HLCS: variants seen among roughly 807,000 people sequenced by gnomAD.
HLCS encodes holocarboxylase synthetase.
In HLCS, 53 loss-of-function variants were observed where a neutral mutation model predicts 75.0. That is an observed-to-expected ratio of 0.71 (90% CI 0.57 to 0.89). The LOEUF (loss-of-function observed/expected upper bound fraction) is 0.89. HLCS is among the 40% of genes least tolerant of loss of function. The pLI is 0.00. For missense variants in HLCS, 966 were observed against 1,074.0 expected, an observed-to-expected ratio of 0.90 and a Z score of 1.41; for synonymous variants, 431 against 428.6, an observed-to-expected ratio of 1.01 and a Z score of -0.07.
intron 2 of HLCS, chr21:36,947,804 G>A: frequency 1.0e-6 from 1 of 985,494 alleles, no homozygotes; most frequent in Non-Finnish European, 1.2e-6. Flanking sequence ...GGCATTGGCA[G>A]GCAGCAGCTC....
intron 6 of HLCS, among the ~76,000 whole-genome samples, chr21:36,809,503 T>G (rs943142281): frequency 3.3e-5 from 5 of 152,218 alleles, no homozygotes; most frequent in African/African-American, 1.2e-4. Context: ...CTGAAATTTT[T>G]TAGCTATTAT....
At chr21:36,822,198 A>G (rs1163092097) in intron 6 of HLCS, among the ~76,000 whole-genome samples, 1 of 152,186 alleles carries the variant, frequency 6.6e-6, no homozygotes, top group Non-Finnish European at 1.5e-5. Context: ...GAGGCAGGCG[A>G]ATCACGAGGT....
At chr21:36,987,043 C>A (rs999490216) in intron 1 of HLCS, among the ~76,000 whole-genome samples, 1 of 152,182 alleles carries the variant, frequency 6.6e-6, no homozygotes, top group African/African-American at 2.4e-5. Flanking sequence ...CCAGGTTTGG[C>A]CACTGGAGCC....
At chr21:36,908,812 A>C (rs962287897) in intron 5 of HLCS, among the ~76,000 whole-genome samples, 3 of 152,230 alleles carry the variant, frequency 2.0e-5, no homozygotes, top group Admixed American at 2.0e-4. Flanking sequence ...GACGTTTCAG[A>C]AAAGGCCAAT....
intron 6 of HLCS, among the ~76,000 whole-genome samples, chr21:36,788,787 C>G (rs191009797): frequency 6.6e-6 from 1 of 152,170 alleles, no homozygotes; most frequent in Admixed American, 6.5e-5. Flanking sequence ...CTCTCACGTC[C>G]TAGACACTGA....
chr21:36,965,749 T>TG (rs1277187647), intron 1 of HLCS, among the ~76,000 whole-genome samples: 12 of 147,852 alleles, frequency 8.1e-5, no homozygotes, highest in Admixed American at 1.3e-4. Context: ...TTTTTTTTCT[T>TG]AAGACAGGGT....
chr21:36,776,000 C>T (rs1438945621), intron 6 of HLCS, among the ~76,000 whole-genome samples: 2 of 152,180 alleles, frequency 1.3e-5, no homozygotes, highest in Non-Finnish European at 2.9e-5. Context: ...TCCTTCCTCA[C>T]AGACAAGAGG....
In HLCS at chr21:36,756,763, AAAAC is replaced by A. The variant is rs753350981; in HGVS notation, c.2237-12_2237-9del. On this transcript the variant is annotated splice_polypyrimidine_tract_variant and intron_variant, in intron 9 of 10. Coordinates refer to ENST00000674895, the MANE Select transcript of HLCS (RefSeq NM_001352514.2). ...TCACATTAAATCCACAGCCTGGACA[AAAAC>A]AAACAATTGAGCAGCTCAGCCTGTT... 1 of 1,614,098 alleles carries A rather than the reference AAAAC, an allele frequency of 6.2e-7. No homozygotes were observed. The highest frequency in any genetic ancestry group is 8.5e-7 in the Non-Finnish European group (1 of 1,180,008).
chr21:36,966,425 G>GCGC lies in HLCS; in HGVS notation c.195+18_195+19insGCG. On this transcript the variant is annotated intron_variant, in intron 1 of 10. Transcript: ENST00000674895. ...CCGGCTCGCGGGGCCCGGGTCGCCCGCCCGCCCGACCCGCCCACCTGGCTG... is the reference window on the plus strand; with the variant it reads ...CCGGCTCGCGGGGCCCGGGTCGCCCGCGCCCCGCCCGACCCGCCCACCTGGCTG... 10 of 195,438 alleles carry GCGC rather than the reference G, an allele frequency of 5.1e-5. No individual in the cohort carries two copies. Among genetic ancestry groups the GCGC allele is most frequent in the South Asian group, 2.0e-4 (1 of 5,108 alleles). 12.1% of individuals were successfully genotyped at this position (195,438 alleles called of 1,614,324 possible). A position where few individuals can be genotyped will look rare whatever the true frequency, so the allele number is the denominator to read the frequency against.
At chr21:36,847,417 C>A (rs2062834718) in intron 6 of HLCS, among the ~76,000 whole-genome samples, 1 of 152,180 alleles carries the variant, frequency 6.6e-6, no homozygotes, top group African/African-American at 2.4e-5. Context: ...ATGGTGCCAG[C>A]AGCATCAGTA....
At chr21:36,851,345 C>A (rs2062999553) in intron 6 of HLCS, among the ~76,000 whole-genome samples, 1 of 152,120 alleles carries the variant, frequency 6.6e-6, no homozygotes, top group Non-Finnish European at 1.5e-5. Flanking sequence ...CACTATCCAG[C>A]CACAAAAAAG....
rs2066944309 is a variant in HLCS at position 36,937,382 on chromosome 21, C to A, written c.504G>T (p.Leu168Phe). The A allele has an allele frequency of 1.9e-6, 3 of 1,613,458 alleles. No individual in the cohort carries two copies. The highest frequency in any genetic ancestry group is 2.5e-6 in the Non-Finnish European group (3 of 1,179,860). ...TAACTTCCTTCAGAGTGGAGTCCTG[C>A]AAGTGCACCGCTAAGGCATGAATAG... ...LVPQKIVSVH[L>F]QDSTLKEVKD... Residue 168 changes from leucine to phenylalanine, a missense_variant, in exon 4 of 11, where the codon TTG becomes TTT. Coordinates refer to ENST00000674895, the MANE Select transcript of HLCS (RefSeq NM_001352514.2).
chr21:36,781,682 TC>T (rs745459238), intron 6 of HLCS, among the ~76,000 whole-genome samples: 2 of 152,184 alleles, frequency 1.3e-5, no homozygotes, highest in Non-Finnish European at 2.9e-5. Context: ...TACTTCTTTT[TC>T]AATGATACCT....
At chr21:36,787,159 G>T (rs999373) in intron 6 of HLCS, among the ~76,000 whole-genome samples, 1 of 152,262 alleles carries the variant, frequency 6.6e-6, no homozygotes, top group South Asian at 2.1e-4. Flanking sequence ...CAGGCCACGC[G>T]TGAGCATGGG....
intron 2 of HLCS, among the ~76,000 whole-genome samples, chr21:36,940,940 G>C (rs1467640772): frequency 6.6e-6 from 1 of 152,144 alleles, no homozygotes; most frequent in East Asian, 1.9e-4. Context: ...GGCTGGGCGC[G>C]GTGGTTCATA....
chr21:36,785,621 C>G (rs1218153315), intron 6 of HLCS, among the ~76,000 whole-genome samples: 1 of 152,178 alleles, frequency 6.6e-6, no homozygotes, highest in African/African-American at 2.4e-5. Flanking sequence ...ACAATATCAT[C>G]CACAGATAGA....
Position 36,813,651 on chromosome 21 carries a change from A to G in HLCS, c.1893-46366T>C, listed in dbSNP as rs188648232. 5.3e-5 allele frequency among the ~76,000 whole-genome samples: 8 copies of G among 152,356 alleles called. No individual in the cohort carries two copies. The East Asian group carries it at 1.5e-3, about 29-fold the overall frequency. ...GGCGGCTCATAATTTCCCTTAGAAT[A>G]TGTATGCACAACTTATTAAATGACA... On this transcript the variant is annotated intron_variant, in intron 6 of 10. Coordinates refer to ENST00000674895, the MANE Select transcript of HLCS (RefSeq NM_001352514.2).
intron 10 of HLCS, 71 bp from the exon 11 acceptor site, chr21:36,754,488 T>A: frequency 1.3e-6 from 2 of 1,493,504 alleles, no homozygotes; most frequent in South Asian, 2.4e-5. Flanking sequence ...AGCTGAAGAA[T>A]AATCCATGAT....
chr21:36,782,299 C>A (rs1031594014), intron 6 of HLCS, among the ~76,000 whole-genome samples: 1 of 152,110 alleles, frequency 6.6e-6, no homozygotes, highest in South Asian at 2.1e-4. Flanking sequence ...CCAAAAGAAA[C>A]CTTTTTGATT....
Sources: allele counts gnomAD v4.1 joint callset (sites outside exome capture counted in the v4.1 genomes callset), GRCh38; gene constraint gnomAD v4.1.1; transcripts MANE v1.5; gene names NCBI Gene and HGNC (gene_info 2026-07-23, HGNC 2026-07-21).